EXOC4: variants seen among roughly 807,000 people sequenced by gnomAD.
The protein encoded by EXOC4 is SEC8-like 1.
Under a neutral mutation model 107.2 loss-of-function variants are expected in EXOC4, and 71 were observed. The ratio of observed to expected loss-of-function variants is 0.66; its 90% CI spans 0.55 to 0.81. EXOC4 has a LOEUF of 0.81. Ranked by LOEUF, EXOC4 falls within the 30% of genes least tolerant of loss-of-function variation. The probability of loss-of-function intolerance (pLI) is 0.00; values close to 1 mark genes in which losing one functional copy is unlikely to be tolerated. For synonymous variants in EXOC4, 456 were observed against 441.2 expected (o/e 1.03, Z -0.42); for missense variants, 1,108 against 1,189.6 (o/e 0.93, Z 1.01).
At chr7:133,261,092 CTT>C (rs1795141235) in intron 1 of EXOC4, among the ~76,000 whole-genome samples, 1 of 151,930 alleles carries the variant, frequency 6.6e-6, no homozygotes, top group Admixed American at 6.6e-5. Context: ...TGCTTTGGGT[CTT>C]TTTCATGTCT....
intron 9 of EXOC4, among the ~76,000 whole-genome samples, chr7:133,566,538 T>C (rs1484697003): frequency 1.3e-5 from 2 of 152,200 alleles, no homozygotes; most frequent in African/African-American, 4.8e-5. Flanking sequence ...TAACAAATCC[T>C]CTGAGCCAAG....
At position 133,722,657 on chromosome 7, in the gene EXOC4, A is replaced by G. The variant is rs529079026; in HGVS notation, c.1514+92516A>G. Among the ~76,000 whole-genome samples, 155 of 152,278 alleles carry G rather than the reference A, an allele frequency of 1.0e-3. 1 individual carries two copies. Among genetic ancestry groups the G allele is most frequent in the Non-Finnish European group, 1.5e-3 (100 of 68,016 alleles). On this transcript the variant is annotated intron_variant, in intron 10 of 17. Coordinates refer to ENST00000253861, the MANE Select transcript of EXOC4 (RefSeq NM_021807.4). ...TTTTAAAGGTCATTGGGGAAGGGAA[A>G]ATAATCCATTAATTTTTACTAGAGT...
chr7:133,475,227 G>T, intron 7 of EXOC4, 101 bp from the exon 8 acceptor site: 1 of 1,023,732 alleles, frequency 9.8e-7, no homozygotes, highest in South Asian at 1.6e-5. Flanking sequence ...ACTCCTGAAT[G>T]TTGGTTTTAG....
At chr7:133,499,260 C>A (rs1799533928) in intron 9 of EXOC4, among the ~76,000 whole-genome samples, 1 of 152,056 alleles carries the variant, frequency 6.6e-6, no homozygotes, top group African/African-American at 2.4e-5. Context: ...AAGTTCCTTG[C>A]AGTCAGGGAC....
At chr7:133,406,781 A>C (rs903349815) in intron 7 of EXOC4, among the ~76,000 whole-genome samples, 2 of 152,256 alleles carry the variant, frequency 1.3e-5, no homozygotes, top group Non-Finnish European at 2.9e-5. Context: ...TCAGTTGATA[A>C]AAATGAATGT....
At chr7:133,460,815 A>G (rs970004944) in intron 7 of EXOC4, among the ~76,000 whole-genome samples, 1 of 152,214 alleles carries the variant, frequency 6.6e-6, no homozygotes, top group Non-Finnish European at 1.5e-5. Context: ...TTTCAGTCAT[A>G]AAGCATTTTA....
intron 7 of EXOC4, among the ~76,000 whole-genome samples, chr7:133,389,417 A>C (rs1184161973): frequency 1.3e-5 from 2 of 151,692 alleles, no homozygotes; most frequent in African/African-American, 4.8e-5. Flanking sequence ...CTAAAAATAC[A>C]AAAAAACTAG....
At chr7:133,853,578 CTCTA>C (rs949350011) in intron 11 of EXOC4, among the ~76,000 whole-genome samples, 26 of 152,086 alleles carry the variant, frequency 1.7e-4, no homozygotes, top group Admixed American at 9.2e-4. Flanking sequence ...CTATCGCCAC[CTCTA>C]TCTATTTTAT....
chr7:133,933,306 C>T (rs1353973128), intron 13 of EXOC4, among the ~76,000 whole-genome samples: 1 of 152,122 alleles, frequency 6.6e-6, no homozygotes, highest in Admixed American at 6.5e-5. Flanking sequence ...TTAGGCTTAA[C>T]AGGTTTAACA....
chr7:133,665,701 C>T (rs1793795216), intron 10 of EXOC4, among the ~76,000 whole-genome samples: 1 of 152,240 alleles, frequency 6.6e-6, no homozygotes, highest in East Asian at 1.9e-4. Context: ...CTGAATCTCC[C>T]TGGATGATCT....
intron 7 of EXOC4, among the ~76,000 whole-genome samples, chr7:133,405,646 C>T (rs769087882): frequency 1.6e-4 from 25 of 152,128 alleles, no homozygotes; most frequent in Admixed American, 6.5e-4. Context: ...ATGCCAGAAA[C>T]TGCAGATTGT....
At chr7:133,557,616 A>T (rs749287271) in intron 9 of EXOC4, among the ~76,000 whole-genome samples, 4 of 152,198 alleles carry the variant, frequency 2.6e-5, no homozygotes, top group Non-Finnish European at 5.9e-5. Context: ...AACATAAATG[A>T]TTTTTATGGC....
At chr7:133,847,829 C>T (rs1047375337) in intron 11 of EXOC4, among the ~76,000 whole-genome samples, 16 of 151,052 alleles carry the variant, frequency 1.1e-4, no homozygotes, top group South Asian at 8.4e-4. Context: ...CTGCCTCAGC[C>T]TCCTGAGTAG....
chr7:133,783,174 T>G (rs1326022828), intron 10 of EXOC4, among the ~76,000 whole-genome samples: 1 of 152,236 alleles, frequency 6.6e-6, no homozygotes, highest in Non-Finnish European at 1.5e-5. Context: ...TCTGCTACTG[T>G]GAATATAAGC....
At chr7:133,363,624 A>G (rs1019886888) in intron 6 of EXOC4, among the ~76,000 whole-genome samples, 4 of 152,046 alleles carry the variant, frequency 2.6e-5, no homozygotes, top group Non-Finnish European at 5.9e-5. Context: ...AAAAAAAAAA[A>G]AAAAACCTAC....
At chr7:133,562,146 C>T (rs1407664032) in intron 9 of EXOC4, among the ~76,000 whole-genome samples, 1 of 150,914 alleles carries the variant, frequency 6.6e-6, no homozygotes, top group Non-Finnish European at 1.5e-5. Flanking sequence ...CTATAGAGGA[C>T]ATTAAGTGAA....
intron 10 of EXOC4, among the ~76,000 whole-genome samples, chr7:133,698,507 A>C (rs1794587075): frequency 6.6e-6 from 1 of 151,200 alleles, no homozygotes; most frequent in Non-Finnish European, 1.5e-5. Flanking sequence ...ACCTGTGTGT[A>C]TGAGGTTGAG....
chr7:133,632,450 C>T (rs1282952595), intron 10 of EXOC4, among the ~76,000 whole-genome samples: 1 of 152,018 alleles, frequency 6.6e-6, no homozygotes, highest in African/African-American at 2.4e-5. Context: ...TTAAATTAGC[C>T]CTTGGCCCAA....
At chr7:133,806,854 C>G (rs1294003517) in intron 10 of EXOC4, among the ~76,000 whole-genome samples, 1 of 152,156 alleles carries the variant, frequency 6.6e-6, no homozygotes, top group Non-Finnish European at 1.5e-5. Context: ...TACCTAACTT[C>G]ATAGTGTTAT....
Sources: gnomAD v4.1 joint callset for allele counts (sites outside exome capture counted in the v4.1 genomes callset) on GRCh38, gnomAD v4.1.1 for gene constraint, MANE v1.5 for transcripts, NCBI Gene and HGNC (gene_info 2026-07-23, HGNC 2026-07-21) for gene names.